Variants in TCF7L1 observed in about 807,000 individuals in gnomAD.
TCF7L1 encodes transcription factor 7 like 1, also known as transcription factor 7-like 1.
In TCF7L1, 18 loss-of-function variants were observed where a neutral mutation model predicts 63.7. The observed-to-expected ratio is 0.28, with a 90% CI of 0.20 to 0.42. The LOEUF (loss-of-function observed/expected upper bound fraction) is 0.42, where lower values mean the gene tolerates loss of function less well. Ranked by LOEUF, TCF7L1 falls within the 10% of genes least tolerant of loss-of-function variation. The pLI is 1.00. For synonymous variants in TCF7L1, 355 were observed against 340.9 expected (o/e 1.04, Z -0.46); for missense variants, 654 against 779.3 (o/e 0.84, Z 1.91).
chr2:85,269,916 G>A (rs1248742589), intron 3 of TCF7L1, among the ~76,000 whole-genome samples: 1 of 152,176 alleles, frequency 6.6e-6, no homozygotes, highest in Non-Finnish European at 1.5e-5. Context: ...GAGGTGGCTG[G>A]TGTGACCCTT....
intron 3 of TCF7L1, among the ~76,000 whole-genome samples, chr2:85,247,630 T>C (rs1345470892): frequency 6.6e-6 from 1 of 152,210 alleles, no homozygotes; most frequent in Non-Finnish European, 1.5e-5. Flanking sequence ...TTGCCAAAAT[T>C]GTGAGGGTTT....
At position 85,220,177 on chromosome 2, in the gene TCF7L1, G is replaced by A. The variant is rs1178066959; in HGVS notation, c.442-63318G>A. On this transcript the variant is annotated intron_variant, in intron 3 of 11. Transcript: ENST00000282111. ...GAGGTATGACAAGCAGTACCTTTAG[G>A]ACAACATTACTTCTGGGAGGGCAGA... Among the ~76,000 whole-genome samples, 5 of 152,008 alleles carry A rather than the reference G, an allele frequency of 3.3e-5. No individual in the cohort carries two copies. The East Asian group carries it at 7.8e-4, about 24-fold the overall frequency.
chr2:85,190,123 C>A (rs1417773706), intron 3 of TCF7L1, among the ~76,000 whole-genome samples: 1 of 152,184 alleles, frequency 6.6e-6, no homozygotes, highest in Non-Finnish European at 1.5e-5. Flanking sequence ...GTCCCACATA[C>A]CTGAGGCACT....
At chr2:85,267,063 A>G (rs1680992274) in intron 3 of TCF7L1, among the ~76,000 whole-genome samples, 1 of 152,198 alleles carries the variant, frequency 6.6e-6, no homozygotes, top group South Asian at 2.1e-4. Flanking sequence ...GGCCTTGGCC[A>G]GGTGTGGTGG....
At chr2:85,142,041 A>G (rs1677749706) in intron 3 of TCF7L1, among the ~76,000 whole-genome samples, 2 of 152,154 alleles carry the variant, frequency 1.3e-5, no homozygotes, top group Admixed American at 1.3e-4. Context: ...ATGTTTGTGT[A>G]TTGATTGAAA....
intron 3 of TCF7L1, among the ~76,000 whole-genome samples, chr2:85,144,719 CTGTGTGTG>C (rs772295408): frequency 3.6e-5 from 5 of 140,452 alleles, no homozygotes; most frequent in Admixed American, 1.5e-4. Context: ...CTCTCTCTCT[CTGTGTGTG>C]TGTGTGTGTG....
At chr2:85,165,424 T>G (rs6739252) in intron 3 of TCF7L1, among the ~76,000 whole-genome samples, 1 of 152,216 alleles carries the variant, frequency 6.6e-6, no homozygotes, top group Non-Finnish European at 1.5e-5. Flanking sequence ...AGCTGGTCCC[T>G]GTCCCTGGCC....
At chr2:85,287,247 T>C (rs1681584088) in intron 4 of TCF7L1, among the ~76,000 whole-genome samples, 1 of 152,234 alleles carries the variant, frequency 6.6e-6, no homozygotes, top group Admixed American at 6.5e-5. Context: ...CCTGTAAATC[T>C]TATCATTGAC....
chr2:85,255,266 TGGA>T (rs1360570233), intron 3 of TCF7L1, among the ~76,000 whole-genome samples: 1 of 152,156 alleles, frequency 6.6e-6, no homozygotes, highest in African/African-American at 2.4e-5. Flanking sequence ...GAGCATCACC[TGGA>T]GGAGATTTTT....
rs114117804 is a variant in TCF7L1, at chr2:85,181,114, T to G, written c.441+46664T>G. ...AGCTGCCCTGTGACCCCTCCTGAGT[T>G]GGGGCTTCTTTTTGGGGGATTAGGG... is the stretch of plus-strand genomic sequence containing the variant. On this transcript the variant is annotated intron_variant, in intron 3 of 11. Coordinates refer to ENST00000282111, the MANE Select transcript of TCF7L1 (RefSeq NM_031283.3). Among the ~76,000 whole-genome samples the G allele has an allele frequency of 4.5e-3, 679 of 152,226 alleles. 6 individuals are homozygous for G. Among genetic ancestry groups the G allele is most frequent in the African/African-American group, 0.016 (654 of 41,512 alleles).
At chr2:85,221,572 T>A (rs1422336674) in intron 3 of TCF7L1, among the ~76,000 whole-genome samples, 1 of 152,144 alleles carries the variant, frequency 6.6e-6, no homozygotes, top group African/African-American at 2.4e-5. Context: ...AGAGTACGCC[T>A]GTGTGTGCAC....
At chr2:85,267,735 A>G (rs1348459125) in intron 3 of TCF7L1, among the ~76,000 whole-genome samples, 1 of 151,916 alleles carries the variant, frequency 6.6e-6, no homozygotes, top group East Asian at 1.9e-4. Flanking sequence ...TAATCCCTCC[A>G]TCTGTTAAAT....
At chr2:85,192,825 T>C (rs1190855449) in intron 3 of TCF7L1, among the ~76,000 whole-genome samples, 2 of 151,810 alleles carry the variant, frequency 1.3e-5, no homozygotes, top group Non-Finnish European at 2.9e-5. Context: ...AGGCATGCAC[T>C]ACCATCCTTG....
rs1486107222 is a variant in TCF7L1 at position 85,134,043 on chromosome 2, G to T, written c.277G>T (p.Asp93Tyr). 6.2e-7 allele frequency: 1 copy of T among 1,611,180 alleles called. No homozygotes were observed. Among genetic ancestry groups the T allele is most frequent in the Non-Finnish European group, 8.5e-7 (1 of 1,179,168 alleles). ...GGAGAGGCGCCCGCAGCCCGTCCGG[G>T]ACACTTTCCAGAAGCCGCGGGACTA... The part of the protein sequence containing the change: ...EAERRPQPVR[D>Y]TFQKPRDYFA... Residue 93 changes from aspartate to tyrosine, a missense_variant, in exon 2 of 12, where the codon GAC (aspartate) becomes TAC (tyrosine). Asp to Tyr is a radical substitution (Grantham distance 160, BLOSUM62 -3). This residue lies in a region of TCF7L1 where 404 missense variants were observed against 454.8 expected (regional missense o/e 0.89). Coordinates refer to ENST00000282111, the MANE Select transcript of TCF7L1 (RefSeq NM_031283.3). This position sits in a 1 kb window ranked among gnomAD's most constrained non-coding sequence, Gnocchi z 5.0.
intron 4 of TCF7L1, among the ~76,000 whole-genome samples, chr2:85,286,257 A>C (rs1445807791): frequency 1.3e-5 from 2 of 151,304 alleles, no homozygotes; most frequent in Non-Finnish European, 2.9e-5. Context: ...TGTGAGGCTG[A>C]GGCAGGAGAA....
At chr2:85,145,984 T>A (rs182919180) in intron 3 of TCF7L1, among the ~76,000 whole-genome samples, 70 of 152,222 alleles carry the variant, frequency 4.6e-4, no homozygotes, top group Non-Finnish European at 9.9e-4. Flanking sequence ...GTGCTGGGAT[T>A]ACAGGCATGA....
chr2:85,200,790 A>T (rs1458369756), intron 3 of TCF7L1, among the ~76,000 whole-genome samples: 2 of 152,192 alleles, frequency 1.3e-5, no homozygotes, highest in Non-Finnish European at 2.9e-5. Flanking sequence ...AGCAGCTCAC[A>T]TAGAGATCAC....
intron 3 of TCF7L1, among the ~76,000 whole-genome samples, chr2:85,256,875 C>G (rs1707963699): frequency 6.6e-6 from 1 of 151,636 alleles, no homozygotes; most frequent in Non-Finnish European, 1.5e-5. Flanking sequence ...CCCAGCCACT[C>G]GGGAAGCTGA....
At chr2:85,191,748 C>T (rs1193806567) in intron 3 of TCF7L1, among the ~76,000 whole-genome samples, 1 of 150,854 alleles carries the variant, frequency 6.6e-6, no homozygotes, top group Non-Finnish European at 1.5e-5. Flanking sequence ...TCGCTTGCAG[C>T]TGGAAGGCAG....
Sources: allele counts gnomAD v4.1 joint callset (sites outside exome capture counted in the v4.1 genomes callset), GRCh38; gene constraint gnomAD v4.1.1; regional missense constraint gnomAD v4.1.1; non-coding constraint Gnocchi (gnomAD v3.1); transcripts MANE v1.5; gene names NCBI Gene and HGNC (gene_info 2026-07-23, HGNC 2026-07-21).